PVT1: variants seen among roughly 807,000 people sequenced by gnomAD.
The protein encoded by PVT1 is CXCR4/PVT1 fusion.
intron 4 of PVT1, among the ~76,000 whole-genome samples, chr8:128,053,072 G>A (rs549951843): frequency 6.6e-6 from 1 of 152,328 alleles, no homozygotes; most frequent in South Asian, 2.1e-4. Flanking sequence ...TATTTCTTGG[G>A]TAAGTTCTCA....
chr8:127,819,631 G>A (rs957531643), intron 2 of PVT1, among the ~76,000 whole-genome samples: 7 of 152,270 alleles, frequency 4.6e-5, no homozygotes, highest in South Asian at 2.1e-4. Context: ...CAATGCGGAA[G>A]AGCCTCGGGA....
At chr8:128,049,292 C>G in intron 4 of PVT1, 1 of 482,620 alleles carries the variant, frequency 2.1e-6, no homozygotes, top group Admixed American at 2.3e-5. Context: ...CTTGGAGCCA[C>G]TGATAGAAGC....
chr8:127,959,029 G>A (rs897778555), intron 3 of PVT1, among the ~76,000 whole-genome samples: 2 of 129,572 alleles, frequency 1.5e-5, no homozygotes, highest in African/African-American at 5.8e-5. Context: ...GTTCTGTGCT[G>A]CCCCTTAGCG....
chr8:128,101,082 A>G (rs1814497936), intron 6 of PVT1: 1 of 151,994 alleles, frequency 6.6e-6, no homozygotes, highest in South Asian at 2.1e-4. Flanking sequence ...TTACGATTTC[A>G]TCTCTGCCCC....
intron 3 of PVT1, among the ~76,000 whole-genome samples, chr8:127,944,971 G>A (rs1226357950): frequency 6.6e-6 from 1 of 152,124 alleles, no homozygotes; most frequent in Non-Finnish European, 1.5e-5. Flanking sequence ...AAGCTTTCCG[G>A]GGAGTCTGAC....
chr8:127,916,880 T>C (rs570678651), intron 3 of PVT1, among the ~76,000 whole-genome samples: 1 of 152,320 alleles, frequency 6.6e-6, no homozygotes, highest in East Asian at 1.9e-4. Flanking sequence ...CAGCACTTCT[T>C]GCACAAGCTA....
chr8:127,909,509 G>A (rs761385334), intron 3 of PVT1, among the ~76,000 whole-genome samples: 63 of 152,292 alleles, frequency 4.1e-4, no homozygotes, highest in Non-Finnish European at 4.0e-4. Flanking sequence ...AATAGCGCTT[G>A]CTTCAGGGGA....
At chr8:127,920,165 A>G (rs1816039980) in intron 3 of PVT1, among the ~76,000 whole-genome samples, 1 of 152,192 alleles carries the variant, frequency 6.6e-6, no homozygotes, top group Non-Finnish European at 1.5e-5. Context: ...CACTGCCAAC[A>G]TTCAGCCCAC....
chr8:128,063,991 A>G (rs1813867216), intron 4 of PVT1, among the ~76,000 whole-genome samples: 1 of 152,186 alleles, frequency 6.6e-6, no homozygotes, highest in African/African-American at 2.4e-5. Context: ...GTGAATTAAA[A>G]AAAAAGATTA....
rs1179093704 is a variant in PVT1 at position 127,931,348 on chromosome 8, ACT to A, written n.782+40353_782+40354del. On this transcript the variant is annotated intron_variant and non_coding_transcript_variant, in intron 3 of 10. Coordinates refer to ENST00000651587, the Ensembl canonical transcript of PVT1. Reference sequence around the variant, plus strand: ...TGCCCAGCCACCAAACCCAGTGCAGACTCTGCTGAATGCAGGCCCCATCTCTG... The same window carrying A: ...TGCCCAGCCACCAAACCCAGTGCAGACTGCTGAATGCAGGCCCCATCTCTG... Among the ~76,000 whole-genome samples, 3 of 152,038 alleles carry A rather than the reference ACT, an allele frequency of 2.0e-5. No individual in the cohort carries two copies. The East Asian group carries it at 5.8e-4, about 29-fold the overall frequency.
intron 4 of PVT1, among the ~76,000 whole-genome samples, chr8:128,003,407 A>G (rs1817207867): frequency 6.6e-6 from 1 of 151,254 alleles, no homozygotes; most frequent in Non-Finnish European, 1.5e-5. Flanking sequence ...GTACAGTGGA[A>G]GGATCATGGC....
intron 3 of PVT1, among the ~76,000 whole-genome samples, chr8:127,975,913 T>C (rs1816818349): frequency 6.6e-6 from 1 of 152,202 alleles, no homozygotes. Context: ...CCACATCCTG[T>C]GGAGCTGGAG....
chr8:127,895,144 C>T (rs987610310), intron 3 of PVT1, among the ~76,000 whole-genome samples: 1 of 152,150 alleles, frequency 6.6e-6, no homozygotes, highest in Non-Finnish European at 1.5e-5. Flanking sequence ...GTGACTTATT[C>T]ATGTATTCAT....
chr8:128,022,224 G>A (rs1817446554), intron 4 of PVT1, among the ~76,000 whole-genome samples: 1 of 152,116 alleles, frequency 6.6e-6, no homozygotes, highest in Non-Finnish European at 1.5e-5. Context: ...GTAAAACCAG[G>A]ACATTTTAAG....
chr8:127,987,281 A>C (rs2129992368), intron 3 of PVT1, among the ~76,000 whole-genome samples: 1 of 152,292 alleles, frequency 6.6e-6, no homozygotes, highest in Non-Finnish European at 1.5e-5. Flanking sequence ...GCAGACGGGT[A>C]GTGTTTGAAT....
intron 4 of PVT1, among the ~76,000 whole-genome samples, chr8:128,003,215 C>T (rs375074574): frequency 2.8e-5 from 4 of 143,540 alleles, no homozygotes; most frequent in African/African-American, 1.1e-4. Flanking sequence ...TCCTGCCTCC[C>T]TCCCTCCCTC....
rs543532707 is a variant in PVT1 at position 128,067,756 on chromosome 8, G to T, written n.913-2404G>T. Among the ~76,000 whole-genome samples the T allele has an allele frequency of 3.9e-5, 6 of 151,964 alleles. No individual in the cohort carries two copies. The East Asian group carries it at 1.2e-3, about 30-fold the overall frequency. On this transcript the variant is annotated intron_variant and non_coding_transcript_variant, in intron 4 of 10. Transcript: ENST00000651587. ...CAACCTGTGACCAGCGACCAGGGAGGGGGCTGGAGGAGTGATGTGGGGCCT... is the reference window on the plus strand; with the variant it reads ...CAACCTGTGACCAGCGACCAGGGAGTGGGCTGGAGGAGTGATGTGGGGCCT...
intron 4 of PVT1, among the ~76,000 whole-genome samples, chr8:128,030,897 C>T (rs768804097): frequency 3.3e-5 from 5 of 152,216 alleles, no homozygotes; most frequent in Non-Finnish European, 5.9e-5. Flanking sequence ...CCCAGGCCTG[C>T]CCTAGAGCAG....
At chr8:127,912,011 C>T (rs936834838) in intron 3 of PVT1, among the ~76,000 whole-genome samples, 26 of 152,116 alleles carry the variant, frequency 1.7e-4, no homozygotes, top group African/African-American at 6.3e-4. Flanking sequence ...AGCAGAGTAA[C>T]CAGCTTTTAG....
Sources: gnomAD v4.1 joint callset for allele counts (sites outside exome capture counted in the v4.1 genomes callset) on GRCh38, gnomAD v4.1.1 for gene constraint, MANE v1.5 for transcripts, NCBI Gene and HGNC (gene_info 2026-07-23, HGNC 2026-07-21) for gene names.